GCFC2: variants seen among roughly 807,000 people sequenced by gnomAD.
GCFC2 encodes GC-rich sequence DNA-binding factor 2.
Under a neutral mutation model 99.4 loss-of-function variants are expected in GCFC2, and 102 were observed. The observed-to-expected ratio is 1.03, with a 90% CI of 0.87 to 1.21. The LOEUF is 1.21. GCFC2 is among the 50% of genes most tolerant of loss of function. The probability of loss-of-function intolerance (pLI) is 0.00; values close to 1 mark genes in which losing one functional copy is unlikely to be tolerated. For missense variants in GCFC2, 973 were observed against 920.9 expected, an observed-to-expected ratio of 1.06 and a Z score of -0.73; for synonymous variants, 338 against 316.8, an observed-to-expected ratio of 1.07 and a Z score of -0.71.
At chr2:75,675,778 C>A (rs552977316) in intron 12 of GCFC2, among the ~76,000 whole-genome samples, 1 of 150,572 alleles carries the variant, frequency 6.6e-6, no homozygotes, top group East Asian at 1.9e-4. Flanking sequence ...GAAAAGAAAC[C>A]TCCCATAAAT....
intron 1 of GCFC2, among the ~76,000 whole-genome samples, chr2:75,709,579 T>C (rs1448963690): frequency 6.6e-6 from 1 of 152,156 alleles, no homozygotes; most frequent in Non-Finnish European, 1.5e-5. Context: ...GTTGGGAAGA[T>C]ACTGGTCAAA....
chr2:75,682,119 T>G (rs541968200), intron 11 of GCFC2, among the ~76,000 whole-genome samples: 1 of 152,026 alleles, frequency 6.6e-6, no homozygotes, highest in South Asian at 2.1e-4. Flanking sequence ...CCTCCTCAAG[T>G]GGGTCCCTGA....
rs527294773 is a variant in GCFC2, at chr2:75,673,129, T to C, written c.1889+315A>G. On this transcript the variant is annotated intron_variant, in intron 13 of 16. Coordinates refer to ENST00000321027, the MANE Select transcript of GCFC2 (RefSeq NM_003203.5). Reference sequence around the variant, plus strand: ...ATCGAGACCATCCTGGCTAACATGGTGAAACCCCATCTCTACTAAATATAC... The same window carrying C: ...ATCGAGACCATCCTGGCTAACATGGCGAAACCCCATCTCTACTAAATATAC... Among the ~76,000 whole-genome samples, 471 of 151,846 alleles carry C rather than the reference T, an allele frequency of 3.1e-3. 4 individuals carry two copies. The highest frequency in any genetic ancestry group is 0.011 in the African/African-American group (455 of 41,422).
Position 75,663,691 on chromosome 2 carries a change from T to G in GCFC2, c.*975A>C, listed in dbSNP as rs1678708183. On this transcript the variant is annotated 3_prime_UTR_variant, in exon 17 of 17. Coordinates refer to ENST00000321027, the MANE Select transcript of GCFC2 (RefSeq NM_003203.5). The stretch of plus-strand genomic sequence containing the variant: ...CTGGGCAATGTCACGAAACCCCATC[T>G]CTACAAAAAATTACAAAAATCAGCT... The G allele has an allele frequency of 6.6e-6, 1 of 152,080 alleles. No individual in the cohort carries two copies. The highest frequency in any genetic ancestry group is 2.4e-5 in the African/African-American group (1 of 41,362). 9.4% of individuals were successfully genotyped at this position (152,080 alleles called of 1,614,324 possible).
At chr2:75,667,281 C>A (rs879333359) in intron 15 of GCFC2, among the ~76,000 whole-genome samples, 4 of 152,052 alleles carry the variant, frequency 2.6e-5, no homozygotes, top group Admixed American at 1.3e-4. Flanking sequence ...CTAATGGAAA[C>A]CTGGCCTGTC....
intron 2 of GCFC2, among the ~76,000 whole-genome samples, chr2:75,703,262 A>C (rs1680690356): frequency 6.6e-6 from 1 of 152,332 alleles, no homozygotes; most frequent in African/African-American, 2.4e-5. Flanking sequence ...CATTTTAAGC[A>C]CTTCAAACTA....
At chr2:75,683,469 G>T (rs1371329908) in intron 11 of GCFC2, among the ~76,000 whole-genome samples, 3 of 149,500 alleles carry the variant, frequency 2.0e-5, no homozygotes, top group Admixed American at 2.0e-4. Context: ...AGGTACAACT[G>T]GTACCAGACG....
rs748669307 is a variant in GCFC2 at position 75,706,669 on chromosome 2, A to C, written c.266-18T>G. 6.5e-7 allele frequency: 1 copy of C among 1,528,498 alleles called. No homozygotes were observed. Among genetic ancestry groups the C allele is most frequent in the Non-Finnish European group, 8.9e-7 (1 of 1,117,388 alleles). The allele number at this position is 1,528,498 out of a possible 1,614,324, so 94.7% of individuals were successfully genotyped here. A position where few individuals can be genotyped will look rare whatever the true frequency, so the allele number is the denominator to read the frequency against. On this transcript the variant is annotated intron_variant, in intron 1 of 16. Coordinates refer to ENST00000321027, the MANE Select transcript of GCFC2 (RefSeq NM_003203.5). ...TCTGGATTCTAACAGGACATTTTAA[A>C]AATACAACAAAAAAGAGTCAAAATA...
chr2:75,664,595 C>T lies in GCFC2; in HGVS notation c.*71G>A. ...ACAGGGAATAAAGAAGAGAGAGGCA[C>T]CAGCTTCTTCTCAAACAAAGGAACT... On this transcript the variant is annotated 3_prime_UTR_variant, in exon 17 of 17. Transcript: ENST00000321027. The T allele has an allele frequency of 4.2e-6, 3 of 717,338 alleles. No individual in the cohort carries two copies. Among genetic ancestry groups the T allele is most frequent in the South Asian group, 1.7e-5 (1 of 59,690 alleles). 44.4% of individuals were successfully genotyped at this position (717,338 alleles called of 1,614,324 possible). A position where few individuals can be genotyped will look rare whatever the true frequency, so the allele number is the denominator to read the frequency against.
chr2:75,691,251 A>C (rs1310214676), intron 7 of GCFC2, among the ~76,000 whole-genome samples: 3 of 152,218 alleles, frequency 2.0e-5, no homozygotes, highest in African/African-American at 7.2e-5. Context: ...GAACAATGAA[A>C]ATAATATATT....
At position 75,673,308 on chromosome 2, in the gene GCFC2, A is replaced by C. The variant is rs1421286585; in HGVS notation, c.1889+136T>G. 11 of 622,154 alleles carry C rather than the reference A, an allele frequency of 1.8e-5. No homozygotes were observed. The Admixed American group carries it at 3.1e-4, about 18-fold the overall frequency. 38.5% of individuals were successfully genotyped at this position (622,154 alleles called of 1,614,324 possible). ...GGGCGACAGAGTGAGACTCAGTCTC[A>C]AAAGAAAAAAAAAAAAGAAACACAA... On this transcript the variant is annotated intron_variant, in intron 13 of 16. Coordinates refer to ENST00000321027, the MANE Select transcript of GCFC2 (RefSeq NM_003203.5).
chr2:75,689,350 AT>A, intron 9 of GCFC2, 125 bp from the exon 10 acceptor site: 1 of 559,648 alleles, frequency 1.8e-6, no homozygotes, highest in Non-Finnish European at 3.1e-6. Flanking sequence ...ATTAATATAA[AT>A]TTTTATTAAA....
chr2:75,701,189 C>G lies in GCFC2; in HGVS notation c.717+1G>C. 6.7e-7 allele frequency: 1 copy of G among 1,493,366 alleles called. No individual in the cohort carries two copies. Among genetic ancestry groups the G allele is most frequent in the Non-Finnish European group, 9.3e-7 (1 of 1,070,454 alleles). 92.5% of individuals were successfully genotyped at this position (1,493,366 alleles called of 1,614,324 possible). A position where few individuals can be genotyped will look rare whatever the true frequency, so the allele number is the denominator to read the frequency against. On this transcript the variant is annotated splice_donor_variant, in intron 4 of 16. Coordinates refer to ENST00000321027, the MANE Select transcript of GCFC2 (RefSeq NM_003203.5). LOFTEE classifies it high-confidence loss of function. Reference sequence around the variant, plus strand: ...ATACACATGGGATAAAAAATGATTACCTCTATGATTTTAACTGCTTTCCTC... The same window carrying G: ...ATACACATGGGATAAAAAATGATTAGCTCTATGATTTTAACTGCTTTCCTC...
intron 2 of GCFC2, among the ~76,000 whole-genome samples, chr2:75,705,348 G>T (rs927843888): frequency 1.3e-5 from 2 of 152,082 alleles, no homozygotes; most frequent in African/African-American, 4.8e-5. Flanking sequence ...TTATGGCCGG[G>T]CGTGGTGGCT....
chr2:75,713,107 A>C (rs894515208), upstream of GCFC2, among the ~76,000 whole-genome samples: 1 of 152,166 alleles, frequency 6.6e-6, no homozygotes, highest in African/African-American at 2.4e-5. Flanking sequence ...TTTCTCAATA[A>C]ACTGAAACTC....
At chr2:75,689,912 G>A in intron 9 of GCFC2, 57 bp downstream of exon 9, 1 of 875,726 alleles carries the variant, frequency 1.1e-6, no homozygotes, top group Non-Finnish European at 1.9e-6. Flanking sequence ...TCCCAGCAAA[G>A]TGTTTCTCAC....
chr2:75,710,629 C>G lies in GCFC2; in HGVS notation c.227G>C (p.Arg76Pro). Residue 76 changes from arginine to proline, a missense_variant, in exon 1 of 17, where the codon CGT becomes CCT. By Grantham distance (103) the Arg-to-Pro change is moderately radical. Coordinates refer to ENST00000321027, the MANE Select transcript of GCFC2 (RefSeq NM_003203.5). ...CGCGCGGGGAGCCGCTTTGGTGGCACGCCGGGAGCTCGCCCAGACCCGGCC... is the reference window on the plus strand; with the variant it reads ...CGCGCGGGGAGCCGCTTTGGTGGCAGGCCGGGAGCTCGCCCAGACCCGGCC... ...GRGRVWASSR[R>P]ATKAAPRADE... 1 of 1,516,010 alleles carries G rather than the reference C, an allele frequency of 6.6e-7. No individual in the cohort carries two copies. Among genetic ancestry groups the G allele is most frequent in the Non-Finnish European group, 8.8e-7 (1 of 1,139,014 alleles). 93.9% of individuals were successfully genotyped at this position (1,516,010 alleles called of 1,614,324 possible).
In GCFC2 at chr2:75,671,994, G is replaced by T. The variant is rs760905013; in HGVS notation, c.1912C>A (p.Pro638Thr). ...TGTCTTTCTTGGAACTTTGAATGAG[G>T]TGATGTTTTGTTTTCTACAGCACTA... ...PKSAVENKTSPHSKFQERQFW... is the reference protein window; with the variant it reads ...PKSAVENKTSTHSKFQERQFW... Residue 638 changes from proline (P) to threonine (T), a missense_variant, in exon 14 of 17, where the codon CCT (proline) becomes ACT (threonine). By Grantham distance (38) the Pro-to-Thr change is conservative. Transcript: ENST00000321027. 2.5e-6 allele frequency: 4 copies of T among 1,586,144 alleles called. No individual in the cohort carries two copies.
At chr2:75,704,808 C>A (rs868859049) in intron 2 of GCFC2, among the ~76,000 whole-genome samples, 1 of 152,220 alleles carries the variant, frequency 6.6e-6, no homozygotes, top group African/African-American at 2.4e-5. Flanking sequence ...CCTCAGTCCC[C>A]TGAATTACAG....
Sources: allele counts gnomAD v4.1 joint callset (sites outside exome capture counted in the v4.1 genomes callset), GRCh38; gene constraint gnomAD v4.1.1; transcripts MANE v1.5; gene names NCBI Gene and HGNC (gene_info 2026-07-23, HGNC 2026-07-21).